GREB1L: variants seen among roughly 807,000 people sequenced by gnomAD.
GREB1L encodes GREB1-like protein.
A neutral mutation model predicts 200.8 loss-of-function variants in GREB1L; 17 were observed. That is an observed-to-expected ratio of 0.08 (90% CI 0.06 to 0.13). The LOEUF (loss-of-function observed/expected upper bound fraction) is 0.13. Among genes scored for constraint, GREB1L ranks in the 10% least tolerant of loss-of-function variants. GREB1L has a pLI of 1.00. For synonymous variants in GREB1L, 789 were observed against 893.0 expected, an observed-to-expected ratio of 0.88 and a Z score of 2.08; for missense variants, 1,657 against 2,367.7, an observed-to-expected ratio of 0.70 and a Z score of 6.23.
chr18:21,326,066 C>T (rs1279957476), intron 1 of GREB1L, among the ~76,000 whole-genome samples: 3 of 151,954 alleles, frequency 2.0e-5, no homozygotes, highest in South Asian at 2.1e-4. Flanking sequence ...TACCAAATGT[C>T]CCCAAGCAGG....
rs368939162 is a variant in GREB1L at position 21,312,844 on chromosome 18, A to G, written c.-119-53183A>G. On this transcript the variant is annotated intron_variant, in intron 1 of 32. Transcript: ENST00000424526. ...TGGGATTACAGGTGTGAGCCACTGC[A>G]CCCGGTCCAGTAATAACCATTCTGA... is the stretch of plus-strand genomic sequence containing the variant. Among the ~76,000 whole-genome samples, 70 of 152,190 alleles carry G rather than the reference A, an allele frequency of 4.6e-4. No individual in the cohort carries two copies. In the South Asian group the frequency reaches 8.5e-3, roughly 18 times the overall value.
At chr18:21,350,655 G>A (rs1485225956) in intron 1 of GREB1L, among the ~76,000 whole-genome samples, 1 of 152,140 alleles carries the variant, frequency 6.6e-6, no homozygotes, top group African/African-American at 2.4e-5. Flanking sequence ...TTTCTAGCTT[G>A]GGAGCAGCAA....
At chr18:21,329,972 G>GA (rs956438288) in intron 1 of GREB1L, among the ~76,000 whole-genome samples, 3 of 141,610 alleles carry the variant, frequency 2.1e-5, no homozygotes, top group Non-Finnish European at 4.6e-5. Flanking sequence ...TTTTTTTTGG[G>GA]GGGGGGGGGT....
chr18:21,490,343 C>A lies in GREB1L; in HGVS notation c.3022C>A (p.Arg1008=). ...ELSVATHFVA[R]LKSWRGNEPE... ...CAGTGTTGCAACTCACTTTGTGGCGCGATTAAAGGTTAGCAATGGACAGAC... is the reference window on the plus strand; with the variant it reads ...CAGTGTTGCAACTCACTTTGTGGCGAGATTAAAGGTTAGCAATGGACAGAC... The change falls in exon 19 of 33, where the codon CGA becomes AGA. Residue 1008 remains arginine, a synonymous_variant. Transcript: ENST00000424526. The A allele has an allele frequency of 6.5e-7, 1 of 1,549,894 alleles. No individual in the cohort carries two copies. Among genetic ancestry groups the A allele is most frequent in the South Asian group, 1.2e-5 (1 of 83,984 alleles).
chr18:21,506,051 C>A, intron 25 of GREB1L, 102 bp downstream of exon 25: 1 of 1,229,602 alleles, frequency 8.1e-7, no homozygotes. Flanking sequence ...AGTTTCAGGC[C>A]TCTGGTAAAG....
intron 2 of GREB1L, among the ~76,000 whole-genome samples, chr18:21,372,692 C>T (rs1257257899): frequency 2.4e-4 from 37 of 151,826 alleles, no homozygotes; most frequent in Admixed American, 2.0e-3. Context: ...GAGGCCGAGG[C>T]GGGTGGATCA....
At chr18:21,356,249 C>T (rs1446733131) in intron 1 of GREB1L, among the ~76,000 whole-genome samples, 1 of 151,922 alleles carries the variant, frequency 6.6e-6, no homozygotes, top group African/African-American at 2.4e-5. Flanking sequence ...TCCCAAAGTG[C>T]AGGGATTACA....
chr18:21,289,146 A>C (rs2038406346), intron 1 of GREB1L, among the ~76,000 whole-genome samples: 1 of 152,206 alleles, frequency 6.6e-6, no homozygotes, highest in Non-Finnish European at 1.5e-5. Context: ...CCTTCTGTAC[A>C]TTCAAGGAAC....
intron 1 of GREB1L, among the ~76,000 whole-genome samples, chr18:21,271,745 A>G (rs923297594): frequency 6.6e-6 from 1 of 152,128 alleles, no homozygotes; most frequent in African/African-American, 2.4e-5. Context: ...GTAGAGGGGA[A>G]AAAGGGATGA....
At chr18:21,251,155 AAAAC>A (rs1204872294) in intron 1 of GREB1L, among the ~76,000 whole-genome samples, 4 of 151,910 alleles carry the variant, frequency 2.6e-5, no homozygotes, top group Non-Finnish European at 4.4e-5. Flanking sequence ...TCTATCTCTA[AAAAC>A]AAACAAACAA....
At chr18:21,269,668 G>GA (rs911535993) in intron 1 of GREB1L, among the ~76,000 whole-genome samples, 6 of 151,414 alleles carry the variant, frequency 4.0e-5, no homozygotes, top group Non-Finnish European at 7.4e-5. Flanking sequence ...GTAATAGTAA[G>GA]AAAAAAAAGG....
chr18:21,289,583 G>A (rs2038414731), intron 1 of GREB1L, among the ~76,000 whole-genome samples: 1 of 151,926 alleles, frequency 6.6e-6, no homozygotes, highest in Admixed American at 6.6e-5. Flanking sequence ...CTTAACATAT[G>A]TATCTATTTA....
intron 27 of GREB1L, among the ~76,000 whole-genome samples, chr18:21,510,014 C>G (rs1230571477): frequency 1.3e-5 from 2 of 151,784 alleles, no homozygotes; most frequent in Non-Finnish European, 2.9e-5. Context: ...TTGAGACCAG[C>G]CTGGCCAACA....
rs576368527 is a variant in GREB1L, at chr18:21,468,635, C to A, written c.2183-4396C>A. 12 of 446,490 alleles carry A rather than the reference C, an allele frequency of 2.7e-5. No homozygotes were observed. The East Asian group carries it at 3.5e-4, about 13-fold the overall frequency. 27.7% of individuals were successfully genotyped at this position (446,490 alleles called of 1,614,324 possible). On this transcript the variant is annotated intron_variant, in intron 15 of 32. Transcript: ENST00000424526. ...GTTAACAACTTACCTAACTATAATA[C>A]AATTATCAGAGCAGGAACTCAGTGC...
intron 1 of GREB1L, among the ~76,000 whole-genome samples, chr18:21,347,659 G>A (rs1233150369): frequency 6.6e-6 from 1 of 150,604 alleles, no homozygotes; most frequent in Non-Finnish European, 1.5e-5. Context: ...GTTTTGCCAT[G>A]TTGCCCAGAC....
intron 15 of GREB1L, among the ~76,000 whole-genome samples, chr18:21,470,009 T>C (rs372402480): frequency 3.9e-4 from 59 of 152,264 alleles, no homozygotes; most frequent in African/African-American, 1.4e-3. Flanking sequence ...TCAAACCTGT[T>C]GGGCTAGGAT....
At chr18:21,495,849 T>G in intron 20 of GREB1L, 64 bp downstream of exon 20, 2 of 838,432 alleles carry the variant, frequency 2.4e-6, no homozygotes, top group Non-Finnish European at 3.8e-6. Flanking sequence ...GATTAAAACT[T>G]GGCTGATGGC....
chr18:21,502,425 A>T (rs1226621505), intron 23 of GREB1L, among the ~76,000 whole-genome samples: 1 of 152,106 alleles, frequency 6.6e-6, no homozygotes, highest in Non-Finnish European at 1.5e-5. Flanking sequence ...CCTTGGCATC[A>T]TCTACCAAAT....
At chr18:21,494,438 C>T (rs1773901456) in intron 19 of GREB1L, among the ~76,000 whole-genome samples, 1 of 152,134 alleles carries the variant, frequency 6.6e-6, no homozygotes, top group South Asian at 2.1e-4. Context: ...TAGGCATTAG[C>T]AAATCACCAA....
Sources: gnomAD v4.1 joint callset for allele counts (sites outside exome capture counted in the v4.1 genomes callset) on GRCh38, gnomAD v4.1.1 for gene constraint, MANE v1.5 for transcripts, NCBI Gene and HGNC (gene_info 2026-07-23, HGNC 2026-07-21) for gene names.